The following ATRN variants were observed in gnomAD, a reference collection of about 807,000 sequenced individuals.
The protein encoded by ATRN is attractin, also known as attractin-2.
In ATRN, 54 loss-of-function variants were observed where a neutral mutation model predicts 178.7. That is an observed-to-expected ratio of 0.30 (90% CI 0.24 to 0.38). The LOEUF is 0.38. Ranked by LOEUF, ATRN falls within the 10% of genes least tolerant of loss-of-function variation. ATRN has a pLI of 1.00. For synonymous variants in ATRN, 636 were observed against 663.0 expected (o/e 0.96, Z 0.63); for missense variants, 1,443 against 1,815.1 (o/e 0.79, Z 3.73).
chr20:3,636,736 AC>A (rs1207783249), intron 26 of ATRN, among the ~76,000 whole-genome samples: 2 of 152,218 alleles, frequency 1.3e-5, no homozygotes, highest in Non-Finnish European at 2.9e-5. Flanking sequence ...GAAGTGACTT[AC>A]ACCACATAGT....
chr20:3,525,701 C>G lies in ATRN; in HGVS notation c.411-9552C>G. Among the ~76,000 whole-genome samples the G allele has an allele frequency of 1.3e-5, 2 of 152,174 alleles. 1 individual carries two copies. The highest frequency in any genetic ancestry group is 2.9e-5 in the Non-Finnish European group (2 of 68,032). ...GCAGCACATCTAAAAGCTTATCCACCACAATCGAGTTGGCTTCATCCCTGG... is the reference window on the plus strand; with the variant it reads ...GCAGCACATCTAAAAGCTTATCCACGACAATCGAGTTGGCTTCATCCCTGG... On this transcript the variant is annotated intron_variant, in intron 1 of 28. Transcript: ENST00000262919.
At chr20:3,497,558 T>A (rs1234287385) in intron 1 of ATRN, among the ~76,000 whole-genome samples, 1 of 152,172 alleles carries the variant, frequency 6.6e-6, no homozygotes, top group East Asian at 1.9e-4. Context: ...CTTCCCTTTG[T>A]GGGTAACCCG....
intron 6 of ATRN, 72 bp from the exon 7 acceptor site, chr20:3,559,321 T>A (rs2085919901): frequency 8.4e-7 from 1 of 1,188,854 alleles, no homozygotes; most frequent in Non-Finnish European, 1.3e-6. Context: ...AACTGGATTA[T>A]GTCACAAATA....
At chr20:3,553,822 T>G (rs913621902) in intron 6 of ATRN, among the ~76,000 whole-genome samples, 2 of 152,208 alleles carry the variant, frequency 1.3e-5, no homozygotes, top group Non-Finnish European at 2.9e-5. Context: ...AGAGAGATCT[T>G]CTCTGACCAT....
chr20:3,483,167 A>C (rs1600005526), intron 1 of ATRN, among the ~76,000 whole-genome samples: 1 of 152,192 alleles, frequency 6.6e-6, no homozygotes, highest in East Asian at 1.9e-4. Context: ...TTATTCCCAA[A>C]AACATGTAGC....
At chr20:3,544,207 C>G (rs2085665221) in intron 3 of ATRN, among the ~76,000 whole-genome samples, 1 of 152,118 alleles carries the variant, frequency 6.6e-6, no homozygotes, top group South Asian at 2.1e-4. Context: ...TGCTTCTCCC[C>G]CATGCCCTTA....
At chr20:3,517,360 T>G (rs1341235574) in intron 1 of ATRN, among the ~76,000 whole-genome samples, 5 of 152,130 alleles carry the variant, frequency 3.3e-5, no homozygotes, top group Non-Finnish European at 7.4e-5. Flanking sequence ...TACACCAAAG[T>G]GCATATGTGG....
In ATRN at chr20:3,646,910, G is replaced by A; in HGVS notation, c.*63G>A. The A allele has an allele frequency of 2.5e-6, 4 of 1,592,706 alleles. No individual in the cohort carries two copies. The Admixed American group carries it at 6.9e-5, about 28-fold the overall frequency. On this transcript the variant is annotated 3_prime_UTR_variant, in exon 29 of 29. Transcript: ENST00000262919. ...AGTGGCACACCAGAGCCATCTGCAG[G>A]GAAGGGCGTGGCGGGGAAATGGCTG...
chr20:3,565,727 G>A (rs1416370349), intron 11 of ATRN, among the ~76,000 whole-genome samples: 1 of 146,782 alleles, frequency 6.8e-6, no homozygotes. Context: ...GAACCAGGGA[G>A]TTGGAGGTTG....
intron 6 of ATRN, among the ~76,000 whole-genome samples, chr20:3,554,305 T>TTTTATTTATTTATTTATTTA (rs10626066): frequency 2.4e-4 from 34 of 139,236 alleles, no homozygotes; most frequent in East Asian, 6.4e-4. Flanking sequence ...GATTACAGAT[T>TTTTATTTATTTATTTATTTA]TTTATTTATT....
intron 14 of ATRN, among the ~76,000 whole-genome samples, chr20:3,577,592 A>G (rs2086229703): frequency 6.6e-6 from 1 of 152,316 alleles, no homozygotes; most frequent in East Asian, 1.9e-4. Context: ...TGTGCACAAC[A>G]TCTGAGCTTG....
chr20:3,607,915 T>G (rs1038050581), intron 24 of ATRN, among the ~76,000 whole-genome samples: 2 of 152,200 alleles, frequency 1.3e-5, no homozygotes, highest in African/African-American at 4.8e-5. Context: ...CCATTTTAAC[T>G]GGGATGAGAT....
chr20:3,480,355 C>T (rs546502004), intron 1 of ATRN, among the ~76,000 whole-genome samples: 1 of 152,218 alleles, frequency 6.6e-6, no homozygotes, highest in East Asian at 1.9e-4. Context: ...TGTGGCGAGG[C>T]CATAATGCCT....
chr20:3,512,107 A>ATAT lies in ATRN; in HGVS notation c.411-23145_411-23144insATT. ...CTTTTATATATATATATATATATAT[A>ATAT]TTTTTTTTTTTTATTATACTTTAAG... On this transcript the variant is annotated intron_variant, in intron 1 of 28. Transcript: ENST00000262919. 1.0e-3 allele frequency among the ~76,000 whole-genome samples: 106 copies of ATAT among 106,398 alleles called. 2 individuals carry two copies. The highest frequency in any genetic ancestry group is 4.7e-3 in the East Asian group (20 of 4,276). The allele number at this position is 106,398 out of a possible 152,430, so 69.8% of individuals were successfully genotyped here.
chr20:3,583,788 C>T lies in ATRN; in HGVS notation c.2765-110C>T, dbSNP rs947735203. ...GTGCCACTGCACTCTAGCCTGGAGA[C>T]AGAGTGAGACTCCGTCTCAAAAAAA... On this transcript the variant is annotated intron_variant, in intron 16 of 28. Coordinates refer to ENST00000262919, the MANE Select transcript of ATRN (RefSeq NM_139321.3). 3 of 1,135,102 alleles carry T rather than the reference C, an allele frequency of 2.6e-6. No homozygotes were observed. In the African/African-American group the frequency reaches 4.7e-5, roughly 18 times the overall value. The allele number at this position is 1,135,102 out of a possible 1,614,324, so 70.3% of individuals were successfully genotyped here.
intron 1 of ATRN, among the ~76,000 whole-genome samples, chr20:3,486,174 A>C (rs2084691148): frequency 6.6e-6 from 1 of 151,448 alleles, no homozygotes; most frequent in African/African-American, 2.4e-5. Flanking sequence ...TTAGCTTCTT[A>C]CTCTGGAAAA....
intron 10 of ATRN, 61 bp from the exon 11 acceptor site, chr20:3,565,287 T>C (rs2086015929): frequency 7.6e-7 from 1 of 1,308,630 alleles, no homozygotes; most frequent in Non-Finnish European, 1.1e-6. Flanking sequence ...CCAAAGAAAA[T>C]GTCAGGTCCT....
At chr20:3,514,763 C>G (rs1228938274) in intron 1 of ATRN, among the ~76,000 whole-genome samples, 1 of 151,902 alleles carries the variant, frequency 6.6e-6, no homozygotes, top group Non-Finnish European at 1.5e-5. Context: ...AGTTTGAGAC[C>G]ACCGTGGGCA....
rs540036979 is a variant in ATRN, at chr20:3,541,997, C to T, written c.608+1662C>T. On this transcript the variant is annotated intron_variant, in intron 3 of 28. Coordinates refer to ENST00000262919, the MANE Select transcript of ATRN (RefSeq NM_139321.3). ...TGTTGTGCCCTCGTGTTTTTCTACC[C>T]GCTTTGGCTTAGAAATCTCTCTGAC... Among the ~76,000 whole-genome samples, 9 of 152,248 alleles carry T rather than the reference C, an allele frequency of 5.9e-5. No homozygotes were observed. In the South Asian group the frequency reaches 1.9e-3, roughly 32 times the overall value.
Sources: allele counts gnomAD v4.1 joint callset (sites outside exome capture counted in the v4.1 genomes callset), GRCh38; gene constraint gnomAD v4.1.1; transcripts MANE v1.5; gene names NCBI Gene and HGNC (gene_info 2026-07-23, HGNC 2026-07-21).